The following KMT2C variants were observed in gnomAD, a reference collection of about 807,000 sequenced individuals.
KMT2C encodes lysine methyltransferase 2C, also known as histone-lysine N-methyltransferase 2C.
KMT2C carries 88 observed loss-of-function variants against 507.9 expected under a neutral mutation model. The ratio of observed to expected loss-of-function variants is 0.17; its 90% CI spans 0.15 to 0.21. KMT2C has a LOEUF of 0.21. KMT2C is among the 10% of genes least tolerant of loss of function. The probability of loss-of-function intolerance (pLI) is 1.00; values close to 1 mark genes in which losing one functional copy is unlikely to be tolerated. For synonymous variants in KMT2C, 2,049 were observed against 2,080.8 expected, an observed-to-expected ratio of 0.98 and a Z score of 0.42; for missense variants, 4,954 against 5,957.8, an observed-to-expected ratio of 0.83 and a Z score of 5.55.
intron 3 of KMT2C, among the ~76,000 whole-genome samples, chr7:152,318,343 C>A (rs959527961): frequency 2.0e-5 from 3 of 151,956 alleles, no homozygotes; most frequent in Non-Finnish European, 4.4e-5. Context: ...GTGGCACACA[C>A]CTGTAATCCC....
In KMT2C at chr7:152,163,252, C is replaced by T; in HGVS notation, c.10325G>A (p.Ser3442Asn). Residue 3442 changes from serine to asparagine, a missense_variant, in exon 43 of 59, where the codon AGT (serine) becomes AAT (asparagine). Physicochemically the swap from Ser to Asn is conservative, Grantham distance 46. Coordinates refer to ENST00000262189, the MANE Select transcript of KMT2C (RefSeq NM_170606.3). ...EQHGMVGSEI[S>N]SSRTSVSQIP... is the part of the protein sequence containing the mutation. ...CTGGGACACAGATGTCCTACTACTA[C>T]TTATCTCAGAGCCCACCATACCATG... 8.7e-6 allele frequency: 14 copies of T among 1,614,202 alleles called. No individual in the cohort carries two copies. The highest frequency in any genetic ancestry group is 1.2e-5 in the Non-Finnish European group (14 of 1,180,026).
In KMT2C at chr7:152,323,620, CAG is replaced by C. The variant is rs1438627628; in HGVS notation, c.389+6979_389+6980del. On this transcript the variant is annotated intron_variant, in intron 3 of 58. Transcript: ENST00000262189. ...TGGCACTGTACTCCAGCCTGGGCAA[CAG>C]AGTGACACCCTTTCAAAGAAAAAAA... 2.3e-5 allele frequency among the ~76,000 whole-genome samples: 3 copies of C among 129,366 alleles called. No homozygotes were observed. In the East Asian group the frequency reaches 6.6e-4, roughly 29 times the overall value. The allele number at this position is 129,366 out of a possible 152,430, so 84.9% of individuals were successfully genotyped here.
intron 1 of KMT2C, among the ~76,000 whole-genome samples, chr7:152,369,883 G>A (rs956042073): frequency 2.1e-5 from 3 of 142,070 alleles, no homozygotes; most frequent in Non-Finnish European, 4.4e-5. Context: ...AAACAGGAAT[G>A]AAAGGGGATT....
At chr7:152,185,963 G>C in intron 33 of KMT2C, among the ~76,000 whole-genome samples, 1 of 152,190 alleles carries the variant, frequency 6.6e-6, no homozygotes, top group African/African-American at 2.4e-5. Context: ...GTACAAGTTT[G>C]TAAAACATCT....
chr7:152,170,003 C>T (rs1280581203), intron 40 of KMT2C, among the ~76,000 whole-genome samples: 1 of 152,170 alleles, frequency 6.6e-6, no homozygotes, highest in Non-Finnish European at 1.5e-5. Flanking sequence ...CCAGTTGTCA[C>T]AAGTTCTCCT....
In KMT2C at chr7:152,251,775, G is replaced by A. The variant is rs533462617; in HGVS notation, c.1621+164C>T. ...GATTAGATTTTAGCCATCAGATTCA[G>A]AGATGACCAAGATAACAAATACATT... is the stretch of plus-strand genomic sequence containing the variant. On this transcript the variant is annotated intron_variant, in intron 11 of 58. Transcript: ENST00000262189. Among the ~76,000 whole-genome samples, 5 of 152,212 alleles carry A rather than the reference G, an allele frequency of 3.3e-5. No individual in the cohort carries two copies. In the South Asian group the frequency reaches 1.0e-3, roughly 32 times the overall value.
rs138517134 is a variant in KMT2C, at chr7:152,145,441, C to T, written c.14032-146G>A. 179 of 778,544 alleles carry T rather than the reference C, an allele frequency of 2.3e-4. No individual in the cohort carries two copies. The African/African-American group carries it at 2.8e-3, about 12-fold the overall frequency. The allele number at this position is 778,544 out of a possible 1,614,324, so 48.2% of individuals were successfully genotyped here. A position where few individuals can be genotyped will look rare whatever the true frequency, so the allele number is the denominator to read the frequency against. On this transcript the variant is annotated intron_variant, in intron 53 of 58. Transcript: ENST00000262189. ...AATGGTCTTCTAGCTTATGTTAACA[C>T]TATTGGCCTGCAGGTAGATCTACTT...
intron 51 of KMT2C, among the ~76,000 whole-genome samples, chr7:152,149,920 A>G (rs946429311): frequency 6.6e-6 from 1 of 151,982 alleles, no homozygotes; most frequent in Non-Finnish European, 1.5e-5. Context: ...TATCTGGTGA[A>G]AAAAAAAATC....
chr7:152,389,430 G>C (rs62495507), intron 1 of KMT2C, among the ~76,000 whole-genome samples: 2 of 129,368 alleles, frequency 1.5e-5, no homozygotes, highest in African/African-American at 5.8e-5. Flanking sequence ...CTAGCAAACT[G>C]ATAGGAGAGG....
At chr7:152,155,328 G>A (rs992703309) in intron 46 of KMT2C, among the ~76,000 whole-genome samples, 1 of 152,182 alleles carries the variant, frequency 6.6e-6, no homozygotes, top group Non-Finnish European at 1.5e-5. Flanking sequence ...ATTTTCCAAA[G>A]AAGAGATAAT....
chr7:152,410,681 T>C (rs1401688935), intron 1 of KMT2C, among the ~76,000 whole-genome samples: 7 of 149,640 alleles, frequency 4.7e-5, no homozygotes, highest in Admixed American at 2.7e-4. Flanking sequence ...TATATGTATA[T>C]GTATATGAGA....
intron 24 of KMT2C, 87 bp from the exon 25 acceptor site, chr7:152,205,312 T>G: frequency 1.0e-6 from 1 of 964,794 alleles, no homozygotes; most frequent in Non-Finnish European, 1.5e-6. Flanking sequence ...TTATCTTGAA[T>G]AGTAAGTCAT....
At chr7:152,296,999 A>AAGAAAGAAAGAAAGAAAGAAAG (rs1563765732) in intron 6 of KMT2C, among the ~76,000 whole-genome samples, 48 of 48,266 alleles carry the variant, frequency 9.9e-4, no homozygotes, top group South Asian at 2.1e-3. Context: ...AAGAAAGAAA[A>AAGAAAGAAAGAAAGAAAGAAAG]AGAAAGAAAG....
At chr7:152,218,083 A>C (rs1293322991) in intron 23 of KMT2C, among the ~76,000 whole-genome samples, 4 of 152,240 alleles carry the variant, frequency 2.6e-5, no homozygotes, top group African/African-American at 9.6e-5. Context: ...CAAGCATCAG[A>C]AAGTGTTTCT....
chr7:152,395,178 A>T (rs927470870), intron 1 of KMT2C, among the ~76,000 whole-genome samples: 11 of 152,192 alleles, frequency 7.2e-5, no homozygotes, highest in African/African-American at 2.7e-4. Context: ...AGCATTAAAA[A>T]AATTTTAAGG....
intron 27 of KMT2C, among the ~76,000 whole-genome samples, chr7:152,198,110 A>G (rs1184837115): frequency 3.3e-5 from 5 of 152,220 alleles, no homozygotes; most frequent in Non-Finnish European, 5.9e-5. Context: ...CAGGTCTTTC[A>G]TTATACATTA....
intron 2 of KMT2C, among the ~76,000 whole-genome samples, chr7:152,357,539 A>AAACAAACC (rs2097162418): frequency 6.6e-6 from 1 of 152,022 alleles, no homozygotes; most frequent in African/African-American, 2.4e-5. Context: ...TCTTAAAAAC[A>AAACAAACC]AACAAACAAA....
At chr7:152,357,391 G>C (rs1005827027) in intron 2 of KMT2C, among the ~76,000 whole-genome samples, 6 of 152,080 alleles carry the variant, frequency 3.9e-5, no homozygotes, top group African/African-American at 1.5e-4. Context: ...GGGTGTGGTG[G>C]CGGGCGCCTG....
At chr7:152,284,998 T>C (rs1361302994) in intron 6 of KMT2C, among the ~76,000 whole-genome samples, 1 of 152,202 alleles carries the variant, frequency 6.6e-6, no homozygotes, top group East Asian at 1.9e-4. Context: ...ACTGTGAAAC[T>C]GTTTTCCAAA....
Sources: gnomAD v4.1 joint callset for allele counts (sites outside exome capture counted in the v4.1 genomes callset) on GRCh38, gnomAD v4.1.1 for gene constraint, MANE v1.5 for transcripts, NCBI Gene and HGNC (gene_info 2026-07-23, HGNC 2026-07-21) for gene names.